The following FANCA variants were observed in gnomAD, a reference collection of about 807,000 sequenced individuals.
FANCA encodes the protein FA complementation group A.
FANCA carries 236 observed loss-of-function variants against 194.3 expected under a neutral mutation model. The observed-to-expected ratio is 1.21, with a 90% CI of 1.09 to 1.35. FANCA has a LOEUF of 1.35. FANCA is among the 40% of genes most tolerant of loss of function. The pLI is 0.00. For synonymous variants in FANCA, 1,014 were observed against 715.8 expected (o/e 1.42, Z -6.65); for missense variants, 2,628 against 1,813.9 (o/e 1.45, Z -8.15).
chr16:89,792,342 GC>G, intron 12 of FANCA, 128 bp downstream of exon 12: 1 of 1,053,268 alleles, frequency 9.5e-7, no homozygotes, highest in Non-Finnish European at 1.5e-6. Flanking sequence ...GATGAGGACA[GC>G]CACATCTCAC....
rs568247187 is a variant in FANCA, at chr16:89,816,460, G to T, written c.79+77C>A. The T allele has an allele frequency of 1.6e-5, 21 of 1,310,472 alleles. No individual in the cohort carries two copies. In the South Asian group the frequency reaches 2.9e-4, roughly 18 times the overall value. 81.2% of individuals were successfully genotyped at this position (1,310,472 alleles called of 1,614,324 possible). A position where few individuals can be genotyped will look rare whatever the true frequency, so the allele number is the denominator to read the frequency against. ...GGATCCGACCGGCGGAGGCTCTGGC[G>T]GGAAGGGATCGGGGAACCGGCGAAA... On this transcript the variant is annotated intron_variant, in intron 1 of 42. Coordinates refer to ENST00000389301, the MANE Select transcript of FANCA (RefSeq NM_000135.4).
intron 5 of FANCA, among the ~76,000 whole-genome samples, chr16:89,810,250 G>T (rs1221004231): frequency 2.0e-5 from 3 of 151,506 alleles, no homozygotes; most frequent in African/African-American, 7.3e-5. Flanking sequence ...GTGAACCTGG[G>T]AGGTGGGGCT....
chr16:89,761,494 T>C (rs1480311749), intron 29 of FANCA, among the ~76,000 whole-genome samples: 1 of 148,064 alleles, frequency 6.8e-6, no homozygotes, highest in Non-Finnish European at 1.5e-5. Context: ...CTTTAATAAA[T>C]CTTGCCACCG....
chr16:89,806,646 C>G (rs1320543654), intron 6 of FANCA, among the ~76,000 whole-genome samples: 2 of 152,124 alleles, frequency 1.3e-5, no homozygotes, highest in Non-Finnish European at 2.9e-5. Context: ...GCACATGTTT[C>G]AGAGAGCACA....
chr16:89,798,486 G>C, intron 10 of FANCA: 2 of 1,097,436 alleles, frequency 1.8e-6, no homozygotes, highest in Non-Finnish European at 2.2e-6. Flanking sequence ...TGAAAAGGTT[G>C]ACAAGGCCTG....
At chr16:89,792,664 G>C (rs929527256) in intron 11 of FANCA, 117 bp from the exon 12 acceptor site, 7 of 797,394 alleles carry the variant, frequency 8.8e-6, no homozygotes, top group East Asian at 2.7e-5. Flanking sequence ...CGACGAGAGA[G>C]TGTAGAAAGA....
chr16:89,761,818 G>A, intron 29 of FANCA, 131 bp downstream of exon 29: 2 of 757,008 alleles, frequency 2.6e-6, no homozygotes, highest in Non-Finnish European at 4.7e-6. Context: ...TAGAAATGGA[G>A]TTTCCCCATG....
chr16:89,785,851 G>GGGTTT (rs2039875719), intron 14 of FANCA, among the ~76,000 whole-genome samples: 1 of 91,706 alleles, frequency 1.1e-5, no homozygotes, highest in African/African-American at 6.1e-5. Context: ...GTGCAAAATT[G>GGGTTT]TGTTTTGTTT....
intron 6 of FANCA, among the ~76,000 whole-genome samples, chr16:89,807,027 C>G (rs2040681569): frequency 6.6e-6 from 1 of 152,182 alleles, no homozygotes; most frequent in Non-Finnish European, 1.5e-5. Flanking sequence ...CTATATCATT[C>G]TTAATCTAAC....
Position 89,789,740 on chromosome 16 carries a change from G to A in FANCA, c.1359+1663C>T, listed in dbSNP as rs570387689. Among the ~76,000 whole-genome samples, 7 of 152,100 alleles carry A rather than the reference G, an allele frequency of 4.6e-5. No homozygotes were observed. The South Asian group carries it at 6.2e-4, about 13-fold the overall frequency. ...AGGCATGAGCCACTGTACCTGGCCCGAACCCAAAACTTCTACAAAAATTAG... is the reference window on the plus strand; with the variant it reads ...AGGCATGAGCCACTGTACCTGGCCCAAACCCAAAACTTCTACAAAAATTAG... On this transcript the variant is annotated intron_variant, in intron 14 of 42. Transcript: ENST00000389301.
At position 89,749,730 on chromosome 16, in the gene FANCA, C is replaced by T. The variant is rs1555538571; in HGVS notation, c.3239G>A (p.Arg1080Gln). Residue 1080 changes from arginine to glutamine, a missense_variant and splice_region_variant, in exon 32 of 43, where the codon CGG becomes CAG. Physicochemically the swap from Arg to Gln is conservative, Grantham distance 43. Transcript: ENST00000389301. ...QRQRELLMYK[R>Q]ILLRLPSSVL... ...CTGCCCAGGTGGTAGTAGGTGTTACCGTTTGTACATTAGCAGCTCCCTCTG... is the reference window on the plus strand; with the variant it reads ...CTGCCCAGGTGGTAGTAGGTGTTACTGTTTGTACATTAGCAGCTCCCTCTG... 1.2e-6 allele frequency: 2 copies of T among 1,613,428 alleles called. No individual in the cohort carries two copies. Among genetic ancestry groups the T allele is most frequent in the Non-Finnish European group, 1.7e-6 (2 of 1,179,676 alleles).
chr16:89,806,874 C>T (rs1567649226), intron 6 of FANCA, among the ~76,000 whole-genome samples: 1 of 152,186 alleles, frequency 6.6e-6, no homozygotes, highest in South Asian at 2.1e-4. Flanking sequence ...GTACACCTCC[C>T]AGACGGGGTG....
intron 35 of FANCA, among the ~76,000 whole-genome samples, chr16:89,745,481 C>G (rs953668889): frequency 7.0e-6 from 1 of 142,668 alleles, no homozygotes; most frequent in Non-Finnish European, 1.5e-5. Flanking sequence ...GTGAAGGGAC[C>G]ACACTCCTCT....
chr16:89,771,155 C>CAAAAAAAAAAAAAAAAA (rs34471552), intron 23 of FANCA, among the ~76,000 whole-genome samples: 2 of 56,648 alleles, frequency 3.5e-5, no homozygotes, highest in African/African-American at 1.5e-4. Flanking sequence ...AAGACTCAGT[C>CAAAAAAAAAAAAAAAAA]AAAAAAAAAA....
rs1472739121 is a variant in FANCA at position 89,810,707 on chromosome 16, C to T, written c.522G>A (p.Gln174=). The T allele has an allele frequency of 1.3e-6, 2 of 1,591,718 alleles. No individual in the cohort carries two copies. Among genetic ancestry groups the T allele is most frequent in the African/African-American group, 1.3e-5 (1 of 74,602 alleles). The change falls in exon 5 of 43, where the codon CAG becomes CAA. Residue 174 remains glutamine, a splice_region_variant and synonymous_variant. Coordinates refer to ENST00000389301, the MANE Select transcript of FANCA (RefSeq NM_000135.4). Reference sequence around the variant, plus strand: ...GTCAGATTTGCAATCTCAAATTTACCTGTATTTTCCATAATTCTTGACAGA... The same window carrying T: ...GTCAGATTTGCAATCTCAAATTTACTTGTATTTTCCATAATTCTTGACAGA... ...LSFCQELWKI[Q]SSLLLEAVWH...
rs1041062356 is a variant in FANCA, at chr16:89,803,030, G to A, written c.792+229C>T. ...ACAGATTGTATATTTCAAAGTAACT[G>A]CAACATGTGAAATGTTGCCAACACA... is the stretch of plus-strand genomic sequence containing the variant. On this transcript the variant is annotated intron_variant, in intron 8 of 42. Transcript: ENST00000389301. 3.9e-5 allele frequency among the ~76,000 whole-genome samples: 6 copies of A among 152,194 alleles called. No homozygotes were observed. In the South Asian group the frequency reaches 6.2e-4, roughly 16 times the overall value.
At position 89,800,566 on chromosome 16, in the gene FANCA, A is replaced by G. The variant is rs149725666; in HGVS notation, c.793-928T>C. Among the ~76,000 whole-genome samples, 231 of 152,358 alleles carry G rather than the reference A, an allele frequency of 1.5e-3. 1 individual carries two copies. Among genetic ancestry groups the G allele is most frequent in the African/African-American group, 4.9e-3 (205 of 41,596 alleles). On this transcript the variant is annotated intron_variant, in intron 8 of 42. Transcript: ENST00000389301. Reference sequence around the variant, plus strand: ...TAGAAAAAAAGATTCTAAAATTCACATGGAACCAAAATAGAACACAGATAA... The same window carrying G: ...TAGAAAAAAAGATTCTAAAATTCACGTGGAACCAAAATAGAACACAGATAA...
intron 14 of FANCA, among the ~76,000 whole-genome samples, chr16:89,786,613 G>A (rs1166625810): frequency 6.6e-6 from 1 of 152,170 alleles, no homozygotes; most frequent in East Asian, 1.9e-4. Context: ...TATCACACCT[G>A]ACCATGTGTA....
At chr16:89,802,323 G>C (rs1189679630) in intron 8 of FANCA, among the ~76,000 whole-genome samples, 1 of 150,264 alleles carries the variant, frequency 6.7e-6, no homozygotes, top group Non-Finnish European at 1.5e-5. Context: ...GGCTGGTCTT[G>C]AACTCCTGAC....
Sources: gnomAD v4.1 joint callset for allele counts (sites outside exome capture counted in the v4.1 genomes callset) on GRCh38, gnomAD v4.1.1 for gene constraint, MANE v1.5 for transcripts, NCBI Gene and HGNC (gene_info 2026-07-23, HGNC 2026-07-21) for gene names.